EPRS1: variants seen among roughly 807,000 people sequenced by gnomAD.
EPRS1 encodes the protein glutamyl-prolyl-tRNA synthetase 1.
A neutral mutation model predicts 188.3 loss-of-function variants in EPRS1; 107 were observed. That is an observed-to-expected ratio of 0.57 (90% CI 0.49 to 0.67). EPRS1 has a LOEUF of 0.67. Among genes scored for constraint, EPRS1 ranks in the 30% least tolerant of loss-of-function variants. EPRS1 has a pLI of 0.00. For synonymous variants in EPRS1, 596 were observed against 593.1 expected, an observed-to-expected ratio of 1.00 and a Z score of -0.07; for missense variants, 1,577 against 1,802.2, an observed-to-expected ratio of 0.88 and a Z score of 2.26.
chr1:220,034,934 T>C lies in EPRS1; in HGVS notation c.211A>G (p.Asn71Asp), dbSNP rs1321524015. The C allele has an allele frequency of 1.3e-6, 2 of 1,596,670 alleles. No individual in the cohort carries two copies. The highest frequency in any genetic ancestry group is 1.7e-6 in the Non-Finnish European group (2 of 1,164,634). Residue 71 changes from asparagine (N) to aspartate (D), a missense_variant, in exon 3 of 32, where the codon AAT becomes GAT. This residue lies in a region of EPRS1 where 1,278 missense variants were observed against 1,457.4 expected (regional missense o/e 0.88). Coordinates refer to ENST00000366923, the MANE Select transcript of EPRS1 (RefSeq NM_004446.3). ...CTTACCTCAGTATGTTCCATCAGAT[T>C]AGAGCCATATAACCCAGCTGTAGTT... ...VATTAGLYGSNLMEHTEIDHW... is the reference protein window; with the variant it reads ...VATTAGLYGSDLMEHTEIDHW...
At position 220,022,534 on chromosome 1, in the gene EPRS1, TACATTACGGTTC is replaced by T; in HGVS notation, c.944-28_944-17del. On this transcript the variant is annotated splice_polypyrimidine_tract_variant and intron_variant, in intron 8 of 31. Coordinates refer to ENST00000366923, the MANE Select transcript of EPRS1 (RefSeq NM_004446.3). Reference sequence around the variant, plus strand: ...TTCTCAATAGCTATAAAATGATAATTACATTACGGTTCACTAATCTGGTTAAATTCAAATTAT... The same window carrying T: ...TTCTCAATAGCTATAAAATGATAATTACTAATCTGGTTAAATTCAAATTAT... 6.3e-7 allele frequency: 1 copy of T among 1,578,202 alleles called. No individual in the cohort carries two copies. Among genetic ancestry groups the T allele is most frequent in the South Asian group, 1.1e-5 (1 of 88,142 alleles).
At chr1:219,983,157 A>G (rs765729292) in intron 22 of EPRS1, 32 bp downstream of exon 22, 6 of 1,521,784 alleles carry the variant, frequency 3.9e-6, no homozygotes, top group African/African-American at 2.8e-5. Context: ...GTCAGAGAAC[A>G]TTGCAAAAAA....
At chr1:220,038,077 TTTATC>T (rs1227128512) in intron 2 of EPRS1, among the ~76,000 whole-genome samples, 9 of 132,284 alleles carry the variant, frequency 6.8e-5, no homozygotes, top group African/African-American at 2.1e-4. Context: ...GTGTTTCAGC[TTTATC>T]TTTTTTTTTT....
At chr1:220,001,803 T>C (rs896281205) in intron 16 of EPRS1, among the ~76,000 whole-genome samples, 2 of 151,836 alleles carry the variant, frequency 1.3e-5, no homozygotes, top group African/African-American at 4.8e-5. Context: ...CCAAGGCGGG[T>C]GGATTGCCTG....
chr1:219,976,241 A>G (rs967899769), intron 28 of EPRS1, among the ~76,000 whole-genome samples: 3 of 152,216 alleles, frequency 2.0e-5, no homozygotes, highest in Non-Finnish European at 4.4e-5. Context: ...GCTAATAGAA[A>G]GGCTAATAAA....
chr1:219,969,312 T>G lies in EPRS1; in HGVS notation c.4324-190A>C, dbSNP rs553874351. 2.6e-4 allele frequency: 151 copies of G among 587,400 alleles called. No individual in the cohort carries two copies. In the African/African-American group the frequency reaches 2.7e-3, roughly 10 times the overall value. The allele number at this position is 587,400 out of a possible 1,614,324, so 36.4% of individuals were successfully genotyped here. On this transcript the variant is annotated intron_variant, in intron 30 of 31. Coordinates refer to ENST00000366923, the MANE Select transcript of EPRS1 (RefSeq NM_004446.3). ...TTATAAAAGATAGGAAAGAATGTTT[T>G]TCCACTATCCAAAACCTACGCTCAC...
At chr1:219,989,580 AC>A (rs1169246089) in intron 18 of EPRS1, among the ~76,000 whole-genome samples, 1 of 152,184 alleles carries the variant, frequency 6.6e-6, no homozygotes, top group African/African-American at 2.4e-5. Context: ...TTTTACTGCT[AC>A]ATTCGAATAA....
chr1:220,026,444 AG>A, intron 6 of EPRS1, among the ~76,000 whole-genome samples: 2 of 152,338 alleles, frequency 1.3e-5, no homozygotes, highest in East Asian at 3.9e-4. Context: ...GCATGAAGCA[AG>A]GAAGTTTAAT....
intron 26 of EPRS1, 90 bp from the exon 27 acceptor site, chr1:219,979,705 G>C: frequency 1.2e-6 from 1 of 833,886 alleles, no homozygotes. Flanking sequence ...CTTTAAAATG[G>C]CACTACACTT....
chr1:220,027,589 CAAAA>C (rs374947643), intron 6 of EPRS1, among the ~76,000 whole-genome samples: 1 of 78,562 alleles, frequency 1.3e-5, no homozygotes, highest in African/African-American at 5.1e-5. Flanking sequence ...GAGGCTATGT[CAAAA>C]AAAAAAAAAA....
At chr1:220,017,076 G>T (rs1329334606) in intron 12 of EPRS1, among the ~76,000 whole-genome samples, 4 of 152,050 alleles carry the variant, frequency 2.6e-5, no homozygotes, top group Non-Finnish European at 5.9e-5. Context: ...AGCCAGGCAT[G>T]GTGGCACATG....
At chr1:219,973,736 G>A (rs1038582285) in intron 28 of EPRS1, among the ~76,000 whole-genome samples, 3 of 152,106 alleles carry the variant, frequency 2.0e-5, no homozygotes, top group African/African-American at 7.2e-5. Flanking sequence ...AAGACTTTTT[G>A]AGGCTACAAG....
chr1:219,981,667 A>G (rs1044852987), intron 23 of EPRS1, among the ~76,000 whole-genome samples: 10 of 152,256 alleles, frequency 6.6e-5, no homozygotes, highest in African/African-American at 2.4e-4. Flanking sequence ...TCAAGGATAC[A>G]AATCTAAACT....
chr1:220,018,608 G>A (rs958811426), intron 11 of EPRS1, 100 bp from the exon 12 acceptor site: 18 of 723,068 alleles, frequency 2.5e-5, no homozygotes, highest in Middle Eastern at 3.9e-4. Context: ...AAAAAAACTC[G>A]ATAAATACTT....
intron 6 of EPRS1, among the ~76,000 whole-genome samples, chr1:220,028,107 T>C (rs1302794389): frequency 6.6e-6 from 1 of 151,960 alleles, no homozygotes; most frequent in Non-Finnish European, 1.5e-5. Context: ...TATTCTAAAA[T>C]TAAAAATTTA....
intron 3 of EPRS1, among the ~76,000 whole-genome samples, 161 bp from the exon 4 acceptor site, chr1:220,033,819 T>G (rs541193477): frequency 6.6e-6 from 1 of 152,126 alleles, no homozygotes; most frequent in Non-Finnish European, 1.5e-5. Context: ...TAAATTCTGA[T>G]TGCCTAAAAT....
intron 17 of EPRS1, among the ~76,000 whole-genome samples, chr1:219,997,921 T>C (rs1032061355): frequency 3.3e-5 from 5 of 152,170 alleles, no homozygotes; most frequent in African/African-American, 4.8e-5. Context: ...TTGTAACTCA[T>C]TGTTGTGGAA....
chr1:219,976,634 T>C (rs908272502), intron 28 of EPRS1, among the ~76,000 whole-genome samples: 1 of 152,104 alleles, frequency 6.6e-6, no homozygotes, highest in African/African-American at 2.4e-5. Context: ...TATAAGTTGG[T>C]GACTGTTGCA....
At chr1:219,981,146 G>A (rs1332962728) in intron 24 of EPRS1, among the ~76,000 whole-genome samples, 1 of 151,984 alleles carries the variant, frequency 6.6e-6, no homozygotes, top group African/African-American at 2.4e-5. Flanking sequence ...TGATCTGTCG[G>A]CTCGACCTCC....
Sources: allele counts gnomAD v4.1 joint callset (sites outside exome capture counted in the v4.1 genomes callset), GRCh38; gene constraint gnomAD v4.1.1; regional missense constraint gnomAD v4.1.1; transcripts MANE v1.5; gene names NCBI Gene and HGNC (gene_info 2026-07-23, HGNC 2026-07-21).